Variants in MLF1 observed in about 807,000 individuals in gnomAD.
MLF1 encodes the protein myeloid leukemia factor 1.
MLF1 carries 37 observed loss-of-function variants against 38.3 expected under a neutral mutation model. The observed-to-expected ratio is 0.96, with a 90% CI of 0.74 to 1.27. MLF1 has a LOEUF of 1.27. MLF1 is among the 50% of genes most tolerant of loss of function. The pLI, the probability that MLF1 is intolerant of heterozygous loss-of-function variation, is 0.00. For missense variants in MLF1, 331 were observed against 349.2 expected (o/e 0.95, Z 0.42); for synonymous variants, 95 against 106.5 (o/e 0.89, Z 0.66).
intron 5 of MLF1, among the ~76,000 whole-genome samples, chr3:158,599,713 A>G (rs978950424): frequency 1.3e-5 from 2 of 152,096 alleles, no homozygotes; most frequent in African/African-American, 2.4e-5. Flanking sequence ...CTTCTATTAC[A>G]TTATCTAAGA....
At chr3:158,586,042 C>A (rs1717198245) in intron 1 of MLF1, among the ~76,000 whole-genome samples, 1 of 151,752 alleles carries the variant, frequency 6.6e-6, no homozygotes, top group South Asian at 2.1e-4. Flanking sequence ...CAGGCACCTG[C>A]AATCCCAGCT....
intron 1 of MLF1, among the ~76,000 whole-genome samples, chr3:158,587,285 C>T (rs190956057): frequency 8.3e-4 from 127 of 152,258 alleles, no homozygotes; most frequent in Non-Finnish European, 1.2e-3. Context: ...GAAAGCATGT[C>T]TTTAGGGAGC....
At chr3:158,603,914 T>C (rs893991414) in intron 7 of MLF1, among the ~76,000 whole-genome samples, 4 of 152,200 alleles carry the variant, frequency 2.6e-5, no homozygotes, top group Admixed American at 2.6e-4. Flanking sequence ...TTAATGTGGT[T>C]CTCAGAGGAA....
rs151045368 is a variant in MLF1, at chr3:158,586,208, C to T, written c.48-6226C>T. Among the ~76,000 whole-genome samples, 97 of 148,874 alleles carry T rather than the reference C, an allele frequency of 6.5e-4. 1 individual carries two copies. The highest frequency in any genetic ancestry group is 5.9e-3 in the East Asian group (30 of 5,056). ...AGAAAAAGGGCAATTTGGTGGTTGT[C>T]GGGATAATTTTTTTTAATCTACACT... On this transcript the variant is annotated intron_variant, in intron 1 of 7. Transcript: ENST00000466246.
chr3:158,598,782 C>T (rs1164105835), intron 5 of MLF1, among the ~76,000 whole-genome samples: 1 of 152,108 alleles, frequency 6.6e-6, no homozygotes, highest in African/African-American at 2.4e-5. Context: ...TTCCCTTTCT[C>T]CCCTTCTCAG....
At chr3:158,589,581 G>A (rs114767575) in intron 1 of MLF1, among the ~76,000 whole-genome samples, 2,325 of 152,266 alleles carry the variant, frequency 0.015, 69 homozygotes, top group African/African-American at 0.053. Context: ...TAAAGATACA[G>A]TTCCTACTCT....
At position 158,588,860 on chromosome 3, in the gene MLF1, G is replaced by A. The variant is rs182640876; in HGVS notation, c.48-3574G>A. 22 of 456,542 alleles carry A rather than the reference G, an allele frequency of 4.8e-5. No homozygotes were observed. In the Admixed American group the frequency reaches 5.2e-4, roughly 11 times the overall value. The allele number at this position is 456,542 out of a possible 1,614,324, so 28.3% of individuals were successfully genotyped here. ...AGGATGTTGTTTCTCAGACATACAG[G>A]TGGTCTTACTCTGCAGCAGCTGAAA... On this transcript the variant is annotated intron_variant, in intron 1 of 7. Transcript: ENST00000466246.
At chr3:158,599,861 A>T (rs1285991903) in intron 5 of MLF1, among the ~76,000 whole-genome samples, 153 bp from the exon 6 acceptor site, 1 of 152,154 alleles carries the variant, frequency 6.6e-6, no homozygotes, top group African/African-American at 2.4e-5. Context: ...TCAGAGACTT[A>T]TTACCACAGT....
At chr3:158,588,925 G>GT (rs1225120297) in intron 1 of MLF1, 2 of 456,322 alleles carry the variant, frequency 4.4e-6, no homozygotes, top group South Asian at 1.5e-5. Flanking sequence ...ATCAGGACAT[G>GT]TAAGTCCCAT....
At chr3:158,598,242 A>G (rs532166059) in intron 5 of MLF1, 34 bp downstream of exon 5, 1 of 1,601,934 alleles carries the variant, frequency 6.2e-7, no homozygotes, top group Admixed American at 1.8e-5. Flanking sequence ...AAAGTTTTAT[A>G]AAGTTAGGGG....
chr3:158,598,345 A>C (rs1259604914), intron 5 of MLF1, 137 bp downstream of exon 5: 1 of 841,230 alleles, frequency 1.2e-6, no homozygotes, highest in Non-Finnish European at 1.8e-6. Flanking sequence ...GGTTGGGGGT[A>C]AGGTAGTCCT....
intron 1 of MLF1, chr3:158,590,752 CGAG>C (rs776244403): frequency 2.2e-6 from 1 of 455,848 alleles, no homozygotes; most frequent in South Asian, 1.6e-5. Flanking sequence ...TGCAAAGAGA[CGAG>C]GAAGCTTTTT....
chr3:158,592,433 G>A lies in MLF1; in HGVS notation c.48-1G>A. On this transcript the variant is annotated splice_acceptor_variant, in intron 1 of 7. Transcript: ENST00000466246. LOFTEE classifies it high-confidence loss of function. ...TTCATGATTATGTATATTTTCAACA[G>A]TGAGTCCATTCTTGCACACCGAGAA... 6.2e-7 allele frequency: 1 copy of A among 1,600,134 alleles called. No individual in the cohort carries two copies. The highest frequency in any genetic ancestry group is 1.1e-5 in the South Asian group (1 of 89,362).
chr3:158,593,383 C>T lies in MLF1; in HGVS notation c.197C>T (p.Ala66Val). 6.4e-7 allele frequency: 1 copy of T among 1,551,942 alleles called. No individual in the cohort carries two copies. The highest frequency in any genetic ancestry group is 2.3e-5 in the East Asian group (1 of 43,186). The change falls in exon 3 of 8, where the codon GCA becomes GTA. Residue 66 changes from alanine (A) to valine (V), a missense_variant and splice_region_variant. Coordinates refer to ENST00000466246, the MANE Select transcript of MLF1 (RefSeq NM_001369783.1). ...ATGAATTGGATATTATTTTTCCAGG[C>T]AACGAGTTGTTCTCTTGTGCCTTTT... Reference protein sequence around the residue: ...GHNDGEDSLTATSCSLVPFGD... With the variant: ...GHNDGEDSLTVTSCSLVPFGD...
At chr3:158,594,262 G>T (rs1718577864) in intron 3 of MLF1, among the ~76,000 whole-genome samples, 1 of 152,138 alleles carries the variant, frequency 6.6e-6, no homozygotes, top group South Asian at 2.1e-4. Flanking sequence ...GTCAATCCAA[G>T]TAGACTTCTT....
chr3:158,576,875 T>C (rs1189932471), intron 1 of MLF1, among the ~76,000 whole-genome samples: 1 of 152,058 alleles, frequency 6.6e-6, no homozygotes, highest in Admixed American at 6.6e-5. Context: ...GGTTTCACTA[T>C]GTTGGCCAAA....
chr3:158,591,791 G>C (rs558013016), intron 1 of MLF1, among the ~76,000 whole-genome samples: 13 of 152,262 alleles, frequency 8.5e-5, no homozygotes, highest in Non-Finnish European at 1.8e-4. Context: ...TGATGAAAGG[G>C]TAAATATCAG....
At chr3:158,592,699 C>A in intron 2 of MLF1, 118 bp downstream of exon 2, 3 of 821,860 alleles carry the variant, frequency 3.7e-6, no homozygotes, top group South Asian at 2.6e-5. Flanking sequence ...TTCTAGAAAT[C>A]ACTATTATAT....
chr3:158,592,304 G>T, intron 1 of MLF1, 130 bp from the exon 2 acceptor site: 1 of 661,634 alleles, frequency 1.5e-6, no homozygotes, highest in East Asian at 3.0e-5. Flanking sequence ...GAATAAAATA[G>T]AGTTCTCTTC....
Sources: gnomAD v4.1 joint callset for allele counts (sites outside exome capture counted in the v4.1 genomes callset) on GRCh38, gnomAD v4.1.1 for gene constraint, MANE v1.5 for transcripts, NCBI Gene and HGNC (gene_info 2026-07-23, HGNC 2026-07-21) for gene names.